The following FRMPD1 variants were observed in gnomAD, a reference collection of about 807,000 sequenced individuals.
FRMPD1 encodes FERM and PDZ domain containing 1.
FRMPD1 carries 76 observed loss-of-function variants against 117.8 expected under a neutral mutation model. That is an observed-to-expected ratio of 0.65 (90% CI 0.54 to 0.78). The LOEUF (loss-of-function observed/expected upper bound fraction) is 0.78. FRMPD1 is among the 30% of genes least tolerant of loss of function. The pLI is 0.00. For missense variants in FRMPD1, 1,786 were observed against 1,964.5 expected, an observed-to-expected ratio of 0.91 and a Z score of 1.72; for synonymous variants, 783 against 770.4, an observed-to-expected ratio of 1.02 and a Z score of -0.27.
At chr9:37,731,658 G>A (rs1314067840) in intron 9 of FRMPD1, among the ~76,000 whole-genome samples, 1 of 152,206 alleles carries the variant, frequency 6.6e-6, no homozygotes, top group Admixed American at 6.5e-5. Context: ...GACCACTTGA[G>A]GTCAGGAGTT....
At chr9:37,630,426 A>T in the FRMPD1 span, among the ~76,000 whole-genome samples, 7 of 152,012 alleles carry the variant, frequency 4.6e-5, no homozygotes, top group African/African-American at 1.5e-4. Context: ...CTGTCACCCA[A>T]GTTGGAGTGC....
rs528617472 is a variant in FRMPD1, at chr9:37,744,493, C to G, written c.2461C>G (p.Gln821Glu). The G allele has an allele frequency of 1.2e-6, 2 of 1,614,134 alleles. No homozygotes were observed. The highest frequency in any genetic ancestry group is 2.7e-5 in the African/African-American group (2 of 75,044). ...CCTGCCTTGTGGGCCAGATGGAAGA[C>G]AGCCAAGCAGGAGGGGAGGGGTGAA... ...NSLPCGPDGR[Q>E]PSRRGGVKKY... The change falls in exon 16 of 16, where the codon CAG becomes GAG. Residue 821 changes from glutamine (Q) to glutamate (E), a missense_variant. By Grantham distance (29) the Gln-to-Glu change is conservative. Coordinates refer to ENST00000377765, the MANE Select transcript of FRMPD1 (RefSeq NM_014907.3).
intron 14 of FRMPD1, among the ~76,000 whole-genome samples, chr9:37,738,393 G>A (rs1824231759): frequency 6.6e-6 from 1 of 152,120 alleles, no homozygotes; most frequent in South Asian, 2.1e-4. Flanking sequence ...AGGCTGGAGT[G>A]CAGTGGTGCA....
chr9:37,628,541 A>G, the FRMPD1 span, among the ~76,000 whole-genome samples: 1 of 152,258 alleles, frequency 6.6e-6, no homozygotes, highest in Non-Finnish European at 1.5e-5. Context: ...TTGTTTTCTT[A>G]ATAAGCCTAA....
the FRMPD1 span, among the ~76,000 whole-genome samples, chr9:37,625,323 T>A: frequency 6.6e-6 from 1 of 152,196 alleles, no homozygotes; most frequent in Non-Finnish European, 1.5e-5. Context: ...AATGAGATAT[T>A]AGGGTTGTTC....
intron 6 of FRMPD1, among the ~76,000 whole-genome samples, chr9:37,723,864 G>A (rs1823501635): frequency 6.6e-6 from 1 of 152,062 alleles, no homozygotes; most frequent in South Asian, 2.1e-4. Flanking sequence ...TGGGCATGGT[G>A]GTGTGTGCCT....
chr9:37,685,617 A>G (rs1488114997), intron 1 of FRMPD1, among the ~76,000 whole-genome samples: 1 of 151,844 alleles, frequency 6.6e-6, no homozygotes, highest in Non-Finnish European at 1.5e-5. Flanking sequence ...TTGCCACTGC[A>G]CTACAGCCTA....
chr9:37,720,460 C>T (rs898092833), intron 6 of FRMPD1, among the ~76,000 whole-genome samples: 2 of 152,052 alleles, frequency 1.3e-5, no homozygotes, highest in African/African-American at 4.8e-5. Flanking sequence ...GTCAGAAGAT[C>T]GAGACCATCC....
chr9:37,640,523 T>G, the FRMPD1 span, among the ~76,000 whole-genome samples: 1 of 152,220 alleles, frequency 6.6e-6, no homozygotes, highest in Non-Finnish European at 1.5e-5. Context: ...CATGGTCCAT[T>G]GTAGGAAATC....
chr9:37,670,171 A>G (rs1228767430), intron 1 of FRMPD1: 1 of 152,176 alleles, frequency 6.6e-6, no homozygotes, highest in Non-Finnish European at 1.5e-5. Context: ...TGGGTTTTCT[A>G]TCATTTATTT....
At chr9:37,647,447 G>C (rs1314662934), upstream of FRMPD1, among the ~76,000 whole-genome samples, 4 of 150,328 alleles carry the variant, frequency 2.7e-5, no homozygotes, top group East Asian at 7.9e-4. Flanking sequence ...AGGAGGAGGA[G>C]CTTGCAGTGA....
At chr9:37,626,876 T>G in the FRMPD1 span, among the ~76,000 whole-genome samples, 3 of 152,096 alleles carry the variant, frequency 2.0e-5, no homozygotes, top group Admixed American at 2.0e-4. Flanking sequence ...TGAAATATCT[T>G]TTTTAGCAGG....
chr9:37,648,410 G>A (rs1371606871), upstream of FRMPD1, among the ~76,000 whole-genome samples: 1 of 152,154 alleles, frequency 6.6e-6, no homozygotes, highest in Admixed American at 6.5e-5. Flanking sequence ...ATGCTAAGGA[G>A]TTAAGACTTT....
chr9:37,744,366 A>AT (rs775766243), intron 15 of FRMPD1, 23 bp from the exon 16 acceptor site: 129 of 1,531,772 alleles, frequency 8.4e-5, no homozygotes, highest in Middle Eastern at 1.8e-4. Context: ...TTTTTAATGT[A>AT]TTTTTTCTTT....
chr9:37,723,297 G>A (rs578037181), intron 6 of FRMPD1, among the ~76,000 whole-genome samples: 15 of 152,270 alleles, frequency 9.9e-5, no homozygotes, highest in East Asian at 1.9e-4. Context: ...GCAGTAAAAC[G>A]TGAGCTGATG....
the FRMPD1 span, among the ~76,000 whole-genome samples, chr9:37,632,209 A>G: frequency 6.6e-6 from 1 of 152,198 alleles, no homozygotes; most frequent in Non-Finnish European, 1.5e-5. Context: ...GTGCCACTTA[A>G]TGGATATACC....
intron 2 of FRMPD1, among the ~76,000 whole-genome samples, chr9:37,695,993 A>G (rs1485210571): frequency 6.8e-6 from 1 of 147,292 alleles, no homozygotes; most frequent in Admixed American, 6.8e-5. Context: ...CACCAGCCCA[A>G]CTGTCCAGCC....
the FRMPD1 span, among the ~76,000 whole-genome samples, chr9:37,609,474 T>C: frequency 2.0e-5 from 3 of 152,106 alleles, no homozygotes; most frequent in Non-Finnish European, 4.4e-5. Context: ...GACTCATCTC[T>C]TTCTCTCAAA....
At chr9:37,653,831 C>A (rs778300924) in intron 1 of FRMPD1, among the ~76,000 whole-genome samples, 1 of 152,068 alleles carries the variant, frequency 6.6e-6, no homozygotes, top group Non-Finnish European at 1.5e-5. Flanking sequence ...GGGTGTGCAC[C>A]TGTGGTCCCA....
Sources: allele counts gnomAD v4.1 joint callset (sites outside exome capture counted in the v4.1 genomes callset), GRCh38; gene constraint gnomAD v4.1.1; transcripts MANE v1.5; gene names NCBI Gene and HGNC (gene_info 2026-07-23, HGNC 2026-07-21).